Variants in GGPS1 observed in about 807,000 individuals in gnomAD.
The protein encoded by GGPS1 is geranylgeranyl pyrophosphate synthase.
Under a neutral mutation model 28.1 loss-of-function variants are expected in GGPS1, and 15 were observed. That is an observed-to-expected ratio of 0.53 (90% CI 0.36 to 0.82). The LOEUF is 0.82. GGPS1 is among the 40% of genes least tolerant of loss of function. The pLI, the probability that GGPS1 is intolerant of heterozygous loss-of-function variation, is 0.01. For missense variants in GGPS1, 284 were observed against 348.3 expected (o/e 0.82, Z 1.47); for synonymous variants, 138 against 122.4 (o/e 1.13, Z -0.84).
chr1:235,336,551 T>C (rs951789393), intron 2 of GGPS1, among the ~76,000 whole-genome samples: 6 of 152,204 alleles, frequency 3.9e-5, no homozygotes, highest in African/African-American at 1.4e-4. Context: ...CCCAGCACTT[T>C]GGGAAGCCAA....
chr1:235,341,565 C>T (rs1006380090), intron 2 of GGPS1, 143 bp from the exon 3 acceptor site: 4 of 665,850 alleles, frequency 6.0e-6, no homozygotes, highest in Non-Finnish European at 1.1e-5. Flanking sequence ...GCAAGGCAAG[C>T]TCTGCAGTAG....
At chr1:235,331,371 T>C (rs1246065278) in intron 1 of GGPS1, among the ~76,000 whole-genome samples, 1 of 152,154 alleles carries the variant, frequency 6.6e-6, no homozygotes, top group Non-Finnish European at 1.5e-5. Flanking sequence ...TATACACTAG[T>C]TTTGTGCTTT....
At chr1:235,341,567 C>T in intron 2 of GGPS1, 141 bp from the exon 3 acceptor site, 1 of 670,692 alleles carries the variant, frequency 1.5e-6, no homozygotes, top group Non-Finnish European at 2.7e-6. Flanking sequence ...AAGGCAAGCT[C>T]TGCAGTAGGT....
In GGPS1 at chr1:235,343,352, G is replaced by C. The variant is rs1382180470; in HGVS notation, c.*580G>C. The C allele has an allele frequency of 6.3e-6, 1 of 159,510 alleles. No homozygotes were observed. Among genetic ancestry groups the C allele is most frequent in the Admixed American group, 6.5e-5 (1 of 15,268 alleles). 9.9% of individuals were successfully genotyped at this position (159,510 alleles called of 1,614,324 possible). A position where few individuals can be genotyped will look rare whatever the true frequency, so the allele number is the denominator to read the frequency against. ...GGGCAGATCACGAGGTCAGGAGATCGAGACCATCCTGACACGGTGAAACCC... is the reference window on the plus strand; with the variant it reads ...GGGCAGATCACGAGGTCAGGAGATCCAGACCATCCTGACACGGTGAAACCC... On this transcript the variant is annotated 3_prime_UTR_variant, in exon 4 of 4. Transcript: ENST00000282841.
intron 2 of GGPS1, among the ~76,000 whole-genome samples, chr1:235,335,929 C>G (rs567719619): frequency 6.6e-6 from 1 of 152,358 alleles, no homozygotes; most frequent in South Asian, 2.1e-4. Flanking sequence ...CACACATACA[C>G]TGCATTTCAT....
intron 1 of GGPS1, chr1:235,330,618 C>T (rs1217196371): frequency 2.6e-5 from 4 of 152,208 alleles, no homozygotes; most frequent in Non-Finnish European, 4.4e-5. Flanking sequence ...TATTCTTAAA[C>T]ATCTCTAAGT....
rs1676123897 is a variant in GGPS1 at position 235,343,635 on chromosome 1, A to G, written c.*863A>G. 6.0e-6 allele frequency: 1 copy of G among 166,868 alleles called. No individual in the cohort carries two copies. The highest frequency in any genetic ancestry group is 2.4e-5 in the African/African-American group (1 of 41,364). 10.3% of individuals were successfully genotyped at this position (166,868 alleles called of 1,614,324 possible). ...CTTTTTTCCTTCCTCTCCACCCCAC[A>G]AGTTTTGCTTTTTAACCAAGGTGTC... On this transcript the variant is annotated 3_prime_UTR_variant, in exon 4 of 4. Transcript: ENST00000282841.
At chr1:235,336,156 G>T (rs930308577) in intron 2 of GGPS1, among the ~76,000 whole-genome samples, 3 of 152,232 alleles carry the variant, frequency 2.0e-5, no homozygotes, top group Non-Finnish European at 4.4e-5. Flanking sequence ...ACTTTTTGAG[G>T]CCAAGGCGGG....
intron 1 of GGPS1, among the ~76,000 whole-genome samples, chr1:235,334,829 C>T (rs1473052976): frequency 1.3e-5 from 2 of 152,094 alleles, no homozygotes; most frequent in African/African-American, 2.4e-5. Context: ...CCTCTGCCTC[C>T]CGGGTTCAAG....
rs143416486 is a variant in GGPS1, at chr1:235,339,643, C to T, written c.71-2065C>T. ...GGTGTGGTGGCAGGTGCCTGTAATC[C>T]CAGCTACTTGGGAGGCTGAGGCAGG... On this transcript the variant is annotated intron_variant, in intron 2 of 3. Transcript: ENST00000282841. Among the ~76,000 whole-genome samples the T allele has an allele frequency of 7.2e-3, 1,095 of 151,860 alleles. 17 individuals carry two copies. Among genetic ancestry groups the T allele is most frequent in the African/African-American group, 0.025 (1,045 of 41,390 alleles).
Position 235,340,691 on chromosome 1 carries a change from G to C in GGPS1, c.71-1017G>C, listed in dbSNP as rs551738354. Reference sequence around the variant, plus strand: ...GCGGAGCTTGCAGTGAGCCGAGATCGCGCCACTGCACTCCAGCCTGGGCGA... The same window carrying C: ...GCGGAGCTTGCAGTGAGCCGAGATCCCGCCACTGCACTCCAGCCTGGGCGA... On this transcript the variant is annotated intron_variant, in intron 2 of 3. Transcript: ENST00000282841. Among the ~76,000 whole-genome samples, 11 of 121,504 alleles carry C rather than the reference G, an allele frequency of 9.1e-5. No homozygotes were observed. In the East Asian group the frequency reaches 1.3e-3, roughly 14 times the overall value. 79.7% of individuals were successfully genotyped at this position (121,504 alleles called of 152,430 possible).
At chr1:235,334,332 C>A (rs911548039) in intron 1 of GGPS1, among the ~76,000 whole-genome samples, 2 of 152,106 alleles carry the variant, frequency 1.3e-5, no homozygotes, top group African/African-American at 2.4e-5. Context: ...ACAAATTAAG[C>A]CTTTTGTGGT....
chr1:235,338,428 A>G (rs1026569704), intron 2 of GGPS1, among the ~76,000 whole-genome samples: 1 of 152,032 alleles, frequency 6.6e-6, no homozygotes, highest in Non-Finnish European at 1.5e-5. Context: ...GCTAAACACT[A>G]GCATGTCATC....
Position 235,335,251 on chromosome 1 carries a change from G to A in GGPS1, c.-14G>A, listed in dbSNP as rs1675829923. The A allele has an allele frequency of 2.9e-6, 4 of 1,384,146 alleles. No homozygotes were observed. The highest frequency in any genetic ancestry group is 4.1e-6 in the Non-Finnish European group (4 of 979,616). 85.7% of individuals were successfully genotyped at this position (1,384,146 alleles called of 1,614,324 possible). On this transcript the variant is annotated 5_prime_UTR_variant, in exon 2 of 4. Transcript: ENST00000282841. ...TTCTCCTTTTTGACAGATTAGCTTT[G>A]AAGTTTAAATCCAATGGAGAAGACT...
In GGPS1 at chr1:235,335,284, C is replaced by A; in HGVS notation, c.20C>A (p.Thr7Lys). The A allele has an allele frequency of 6.5e-7, 1 of 1,549,992 alleles. No homozygotes were observed. The highest frequency in any genetic ancestry group is 8.9e-7 in the Non-Finnish European group (1 of 1,124,338). The change falls in exon 2 of 4, where the codon ACA becomes AAA. Residue 7 changes from threonine to lysine, a missense_variant. Thr to Lys is a moderately conservative substitution (Grantham distance 78). Transcript: ENST00000282841. ...AATCCAATGGAGAAGACTCAAGAAACAGTCCAAAGAATTCTTCTAGAACCC... is the reference window on the plus strand; with the variant it reads ...AATCCAATGGAGAAGACTCAAGAAAAAGTCCAAAGAATTCTTCTAGAACCC... MEKTQETVQRILLEPYK... is the reference protein window; with the variant it reads MEKTQEKVQRILLEPYK...
chr1:235,340,289 A>G (rs968574804), intron 2 of GGPS1, among the ~76,000 whole-genome samples: 1 of 152,126 alleles, frequency 6.6e-6, no homozygotes, highest in Admixed American at 6.6e-5. Flanking sequence ...CTTGGGCAAC[A>G]TGGGAACACA....
chr1:235,341,805 TC>T, intron 3 of GGPS1, 27 bp downstream of exon 3: 1 of 1,308,874 alleles, frequency 7.6e-7, no homozygotes, highest in Non-Finnish European at 1.1e-6. Flanking sequence ...ACCTCATTAA[TC>T]CCCAAGAAAT....
intron 1 of GGPS1, among the ~76,000 whole-genome samples, chr1:235,330,896 T>C (rs1031797706): frequency 6.6e-6 from 1 of 152,210 alleles, no homozygotes; most frequent in Admixed American, 6.5e-5. Context: ...GATACTAACA[T>C]TTAAATAGAG....
intron 1 of GGPS1, 29 bp downstream of exon 1, chr1:235,328,807 A>T (rs1045626059): frequency 2.6e-5 from 4 of 151,262 alleles, no homozygotes; most frequent in African/African-American, 9.8e-5. Flanking sequence ...GGCTGGGGGG[A>T]ACCCGGATGG....
Sources: gnomAD v4.1 joint callset for allele counts (sites outside exome capture counted in the v4.1 genomes callset) on GRCh38, gnomAD v4.1.1 for gene constraint, MANE v1.5 for transcripts, NCBI Gene and HGNC (gene_info 2026-07-23, HGNC 2026-07-21) for gene names.